The following GRM8 variants were observed in gnomAD, a reference collection of about 807,000 sequenced individuals.
GRM8 encodes glutamate metabotropic receptor 8.
In GRM8, 47 loss-of-function variants were observed where a neutral mutation model predicts 87.2. The observed-to-expected ratio is 0.54, with a 90% CI of 0.43 to 0.69. The LOEUF is 0.69. Ranked by LOEUF, GRM8 falls within the 30% of genes least tolerant of loss-of-function variation. The pLI, the probability that GRM8 is intolerant of heterozygous loss-of-function variation, is 0.00. For synonymous variants in GRM8, 396 were observed against 404.5 expected (o/e 0.98, Z 0.25); for missense variants, 1,019 against 1,139.2 (o/e 0.89, Z 1.52).
chr7:126,616,249 A>G (rs1022003293), intron 7 of GRM8, among the ~76,000 whole-genome samples: 1 of 152,250 alleles, frequency 6.6e-6, no homozygotes, highest in African/African-American at 2.4e-5. Flanking sequence ...CTACATGGAA[A>G]CTGAACAACC....
At chr7:126,552,943 G>A (rs558253213) in intron 8 of GRM8, among the ~76,000 whole-genome samples, 1 of 152,186 alleles carries the variant, frequency 6.6e-6, no homozygotes, top group Admixed American at 6.5e-5. Flanking sequence ...TTCCCCATCT[G>A]AGAAAATAAA....
chr7:127,043,823 T>C (rs775795809), intron 3 of GRM8, among the ~76,000 whole-genome samples: 1 of 152,148 alleles, frequency 6.6e-6, no homozygotes, highest in Non-Finnish European at 1.5e-5. Context: ...TGGAGTCACC[T>C]GCAGGAGATG....
At chr7:127,008,075 G>C (rs1243329433) in intron 3 of GRM8, among the ~76,000 whole-genome samples, 1 of 151,840 alleles carries the variant, frequency 6.6e-6, no homozygotes, top group Non-Finnish European at 1.5e-5. Context: ...AACAAAGAAA[G>C]ACAAGCAAGC....
intron 9 of GRM8, among the ~76,000 whole-genome samples, chr7:126,524,848 C>T (rs1475975886): frequency 6.6e-6 from 1 of 152,086 alleles, no homozygotes; most frequent in Non-Finnish European, 1.5e-5. Flanking sequence ...TGATATTTTC[C>T]ATAGCCACTT....
At chr7:126,818,837 G>A (rs1025270891) in intron 6 of GRM8, among the ~76,000 whole-genome samples, 2 of 152,158 alleles carry the variant, frequency 1.3e-5, no homozygotes, top group African/African-American at 4.8e-5. Context: ...CTAATACTCA[G>A]CTGTCCCATG....
intron 6 of GRM8, among the ~76,000 whole-genome samples, chr7:126,835,086 T>TA (rs11387803): frequency 0.45 from 62,191 of 137,240 alleles, 13,562 homozygotes; most frequent in Non-Finnish European, 0.51. Context: ...AAAAAAAAAA[T>TA]AAAAAAAAAA....
At position 126,580,222 on chromosome 7, in the gene GRM8, G is replaced by A. The variant is rs74784345; in HGVS notation, c.1494+29140C>T. Reference sequence around the variant, plus strand: ...AGAGTAGTGACTGATAATAGTTATCGGATAAAAGCCATGTTCCAAGTTGAA... The same window carrying A: ...AGAGTAGTGACTGATAATAGTTATCAGATAAAAGCCATGTTCCAAGTTGAA... On this transcript the variant is annotated intron_variant, in intron 8 of 10. Transcript: ENST00000339582. 6.7e-3 allele frequency among the ~76,000 whole-genome samples: 1,026 copies of A among 152,082 alleles called. 8 individuals carry two copies. Among genetic ancestry groups the A allele is most frequent in the Admixed American group, 0.01 (159 of 15,260 alleles).
At chr7:126,528,391 T>C (rs1814246191) in intron 9 of GRM8, among the ~76,000 whole-genome samples, 1 of 152,158 alleles carries the variant, frequency 6.6e-6, no homozygotes, top group African/African-American at 2.4e-5. Context: ...AAAGAACCTA[T>C]TACAGACTCA....
intron 3 of GRM8, among the ~76,000 whole-genome samples, chr7:127,043,757 A>G (rs898524839): frequency 2.0e-5 from 3 of 152,186 alleles, no homozygotes; most frequent in Non-Finnish European, 4.4e-5. Context: ...TAAAACTTAA[A>G]GTATAATAAA....
At chr7:127,251,027 G>A (rs917870705) in intron 1 of GRM8, 1 of 152,178 alleles carries the variant, frequency 6.6e-6, no homozygotes, top group Non-Finnish European at 1.5e-5. Flanking sequence ...GTGTATTCTT[G>A]GGTGTTCCAG....
At chr7:126,439,620 A>G (rs958316587) in intron 10 of GRM8, among the ~76,000 whole-genome samples, 2 of 152,128 alleles carry the variant, frequency 1.3e-5, no homozygotes, top group Non-Finnish European at 2.9e-5. Flanking sequence ...TCATTATTTT[A>G]AAGTAGACTT....
intron 2 of GRM8, among the ~76,000 whole-genome samples, chr7:127,223,379 G>T (rs755032138): frequency 6.6e-6 from 1 of 150,876 alleles, no homozygotes; most frequent in Non-Finnish European, 1.5e-5. Context: ...CTTTTAGATT[G>T]AAGAAAAAAA....
intron 2 of GRM8, among the ~76,000 whole-genome samples, chr7:127,140,870 C>T (rs1828222904): frequency 6.6e-6 from 1 of 152,172 alleles, no homozygotes. Flanking sequence ...TTTATCACTC[C>T]ATGTTGATAA....
chr7:127,247,704 T>G (rs1798650743), intron 1 of GRM8, among the ~76,000 whole-genome samples: 1 of 152,212 alleles, frequency 6.6e-6, no homozygotes, highest in Admixed American at 6.5e-5. Context: ...CTCACCCCTA[T>G]GTGCTTCCAT....
At chr7:126,556,971 T>C (rs886604707) in intron 8 of GRM8, among the ~76,000 whole-genome samples, 9 of 152,182 alleles carry the variant, frequency 5.9e-5, no homozygotes, top group African/African-American at 2.2e-4. Context: ...CTATTAAGTA[T>C]TGTTTTCAAG....
chr7:126,496,028 C>T (rs931502956), intron 9 of GRM8, among the ~76,000 whole-genome samples: 1 of 151,952 alleles, frequency 6.6e-6, no homozygotes. Context: ...CTGGATTCCA[C>T]AGGGCTCCAG....
chr7:126,460,990 A>C, intron 9 of GRM8, among the ~76,000 whole-genome samples: 1 of 151,502 alleles, frequency 6.6e-6, no homozygotes, highest in Non-Finnish European at 1.5e-5. Context: ...CTCAGACATC[A>C]TCTGAAATAT....
intron 2 of GRM8, among the ~76,000 whole-genome samples, chr7:127,172,077 T>C (rs1793835119): frequency 1.3e-5 from 2 of 152,196 alleles, no homozygotes; most frequent in Non-Finnish European, 2.9e-5. Context: ...AATGGAATTT[T>C]TGTTTTTAAA....
intron 8 of GRM8, among the ~76,000 whole-genome samples, chr7:126,603,443 A>C (rs939537505): frequency 6.6e-6 from 1 of 151,624 alleles, no homozygotes; most frequent in East Asian, 1.9e-4. Context: ...AGGAAGTCAA[A>C]TTGTCACTGT....
Sources: allele counts gnomAD v4.1 joint callset (sites outside exome capture counted in the v4.1 genomes callset), GRCh38; gene constraint gnomAD v4.1.1; transcripts MANE v1.5; gene names NCBI Gene and HGNC (gene_info 2026-07-23, HGNC 2026-07-21).